Variants in POLI observed in about 807,000 individuals in gnomAD.
The protein encoded by POLI is RAD30 homolog B.
A neutral mutation model predicts 51.6 loss-of-function variants in POLI; 58 were observed. That is an observed-to-expected ratio of 1.12 (90% CI 0.91 to 1.40). POLI has a LOEUF of 1.40. POLI is among the 40% of genes most tolerant of loss of function. The pLI, the probability that POLI is intolerant of heterozygous loss-of-function variation, is 0.00. For missense variants in POLI, 921 were observed against 871.3 expected, an observed-to-expected ratio of 1.06 and a Z score of -0.72; for synonymous variants, 322 against 299.7, an observed-to-expected ratio of 1.07 and a Z score of -0.77.
In POLI at chr18:54,296,880, G is replaced by T. The variant is rs2088357264; in HGVS notation, c.*2413G>T. On this transcript the variant is annotated 3_prime_UTR_variant, in exon 10 of 10. Coordinates refer to ENST00000579534, the MANE Select transcript of POLI (RefSeq NM_007195.3). ...TAAAAGTCAAATATATGATATTTTT[G>T]ATAATTTCAATATTTTAAGTCTTTA... 1.1e-6 allele frequency: 1 copy of T among 875,194 alleles called. No homozygotes were observed. Among genetic ancestry groups the T allele is most frequent in the South Asian group, 5.3e-5 (1 of 18,848 alleles). 54.2% of individuals were successfully genotyped at this position (875,194 alleles called of 1,614,324 possible).
intron 1 of POLI, 39 bp downstream of exon 1, chr18:54,269,700 G>A (rs1276678058): frequency 2.0e-6 from 3 of 1,465,846 alleles, no homozygotes; most frequent in Non-Finnish European, 1.8e-6. Context: ...CTCCTTGGGT[G>A]TAAATGAGAA....
At chr18:54,278,997 C>T (rs1320695191) in intron 4 of POLI, among the ~76,000 whole-genome samples, 1 of 152,254 alleles carries the variant, frequency 6.6e-6, no homozygotes. Flanking sequence ...TGTACTTGTG[C>T]TCATTTGTAA....
chr18:54,286,755 C>T (rs1482709685), intron 7 of POLI, among the ~76,000 whole-genome samples: 4 of 151,944 alleles, frequency 2.6e-5, no homozygotes, highest in Non-Finnish European at 5.9e-5. Context: ...ACCAGCCTGG[C>T]CAACATGGCA....
rs760519303 is a variant in POLI at position 54,269,623 on chromosome 18, T to C, written c.77T>C (p.Met26Thr). The change falls in exon 1 of 10, where the codon ATG (methionine) becomes ACG (threonine). Residue 26 changes from methionine to threonine, a missense_variant. Met to Thr is a moderately conservative substitution (Grantham distance 81). Coordinates refer to ENST00000579534, the MANE Select transcript of POLI (RefSeq NM_007195.3). ...GAGGAAGACGCCGAGGCCTGGGCCA[T>C]GGAACTGGCGGACGTGGGGGCGGCA... ...DDEEDAEAWA[M>T]ELADVGAAAS... 9 of 1,510,220 alleles carry C rather than the reference T, an allele frequency of 6.0e-6. No individual in the cohort carries two copies. Among genetic ancestry groups the C allele is most frequent in the South Asian group, 3.7e-5 (3 of 81,424 alleles). 93.6% of individuals were successfully genotyped at this position (1,510,220 alleles called of 1,614,324 possible).
chr18:54,311,684 G>A (rs916956209), intron 3 of POLI, among the ~76,000 whole-genome samples: 6 of 152,246 alleles, frequency 3.9e-5, no homozygotes, highest in Admixed American at 2.6e-4. Context: ...AAAAACTTGG[G>A]AGGTACACAC....
Position 54,297,214 on chromosome 18 carries a change from C to A in POLI, c.*2747C>A, listed in dbSNP as rs2088374691. On this transcript the variant is annotated 3_prime_UTR_variant, in exon 10 of 10. Coordinates refer to ENST00000579534, the MANE Select transcript of POLI (RefSeq NM_007195.3). ...TTAGCTATCTGCCTCCAGGGATAAA[C>A]CCCATCTTTCAAGCTTGCTTCTTGC... 1.0e-6 allele frequency: 1 copy of A among 985,060 alleles called. No homozygotes were observed. The highest frequency in any genetic ancestry group is 1.7e-5 in the African/African-American group (1 of 57,236). The allele number at this position is 985,060 out of a possible 1,614,324, so 61.0% of individuals were successfully genotyped here.
intron 3 of POLI, among the ~76,000 whole-genome samples, chr18:54,317,536 G>A (rs649722): frequency 0.59 from 89,784 of 151,946 alleles, 28,063 homozygotes; most frequent in Middle Eastern, 0.72. Context: ...TAATCTTTAA[G>A]TGGTGGATAA....
downstream of POLI, among the ~76,000 whole-genome samples, chr18:54,302,322 T>A (rs2088506743): frequency 6.6e-6 from 1 of 152,210 alleles, no homozygotes; most frequent in Admixed American, 6.5e-5. Flanking sequence ...CTTCCTAGAT[T>A]CTCAACTAAA....
At chr18:54,272,767 C>T (rs1284617681) in intron 2 of POLI, among the ~76,000 whole-genome samples, 1 of 151,560 alleles carries the variant, frequency 6.6e-6, no homozygotes. Flanking sequence ...CCACCGTGCC[C>T]GACCAGTAGT....
At chr18:54,274,747 C>T (rs1480274160) in intron 3 of POLI, 1 of 151,942 alleles carries the variant, frequency 6.6e-6, no homozygotes, top group South Asian at 2.1e-4. Context: ...TTGCGAAAAC[C>T]GCAATTACTT....
chr18:54,298,156 A>T lies in POLI; in HGVS notation c.*3689A>T. ...AAAATCTGTATATAGAAAGGTACAT[A>T]AACATAAATGAACATGTTAATGAGT... On this transcript the variant is annotated 3_prime_UTR_variant, in exon 10 of 10. Coordinates refer to ENST00000579534, the MANE Select transcript of POLI (RefSeq NM_007195.3). 1.6e-6 allele frequency: 1 copy of T among 616,078 alleles called. No homozygotes were observed. Among genetic ancestry groups the T allele is most frequent in the Non-Finnish European group, 2.0e-6 (1 of 492,578 alleles). The allele number at this position is 616,078 out of a possible 1,614,324, so 38.2% of individuals were successfully genotyped here.
chr18:54,311,197 C>T (rs980720225), intron 3 of POLI: 1 of 665,740 alleles, frequency 1.5e-6, no homozygotes. Context: ...TGATAAGGAA[C>T]CAGGAATTGA....
chr18:54,296,080 G>C lies in POLI; in HGVS notation c.*1613G>C. ...TCACCATGCAAATATTTAGTACTCTGAATCAAGGAACATAGTATTTTTTAC... is the reference window on the plus strand; with the variant it reads ...TCACCATGCAAATATTTAGTACTCTCAATCAAGGAACATAGTATTTTTTAC... On this transcript the variant is annotated 3_prime_UTR_variant, in exon 10 of 10. Coordinates refer to ENST00000579534, the MANE Select transcript of POLI (RefSeq NM_007195.3). The C allele has an allele frequency of 1.0e-6, 1 of 984,826 alleles. No homozygotes were observed. The highest frequency in any genetic ancestry group is 1.2e-6 in the Non-Finnish European group (1 of 829,410). 61.0% of individuals were successfully genotyped at this position (984,826 alleles called of 1,614,324 possible). A position where few individuals can be genotyped will look rare whatever the true frequency, so the allele number is the denominator to read the frequency against.
intron 3 of POLI, among the ~76,000 whole-genome samples, chr18:54,308,851 C>A (rs1430880927): frequency 6.6e-6 from 1 of 152,012 alleles, no homozygotes; most frequent in Non-Finnish European, 1.5e-5. Flanking sequence ...TCACTGATAC[C>A]CTTTCTTCCA....
At position 54,298,182 on chromosome 18, in the gene POLI, A is replaced by G. The variant is rs2144623108; in HGVS notation, c.*3715A>G. ...AACATAAATGAACATGTTAATGAGT[A>G]ATTGTAACAACTATGTAACTGTCCA... On this transcript the variant is annotated 3_prime_UTR_variant, in exon 10 of 10. Transcript: ENST00000579534. 2.7e-6 allele frequency: 1 copy of G among 364,740 alleles called. No individual in the cohort carries two copies. Among genetic ancestry groups the G allele is most frequent in the South Asian group, 1.1e-4 (1 of 8,784 alleles). The allele number at this position is 364,740 out of a possible 1,614,324, so 22.6% of individuals were successfully genotyped here. A position where few individuals can be genotyped will look rare whatever the true frequency, so the allele number is the denominator to read the frequency against.
At chr18:54,301,055 A>G (rs2088480908), downstream of POLI, among the ~76,000 whole-genome samples, 1 of 152,158 alleles carries the variant, frequency 6.6e-6, no homozygotes, top group Non-Finnish European at 1.5e-5. Context: ...CAGGGTGGGC[A>G]GATCACAAGG....
chr18:54,285,277 C>G (rs942239409), intron 7 of POLI, among the ~76,000 whole-genome samples: 1 of 152,146 alleles, frequency 6.6e-6, no homozygotes, highest in Admixed American at 6.6e-5. Context: ...AATGCCTAAC[C>G]TTTGGAGACA....
In POLI at chr18:54,269,550, G is replaced by T; in HGVS notation, c.4G>T (p.Glu2Ter). The T allele has an allele frequency of 1.3e-6, 2 of 1,508,692 alleles. No individual in the cohort carries two copies. Among genetic ancestry groups the T allele is most frequent in the Non-Finnish European group, 1.8e-6 (2 of 1,133,132 alleles). 93.5% of individuals were successfully genotyped at this position (1,508,692 alleles called of 1,614,324 possible). Residue 2 changes from glutamate (E) to a stop codon, truncating the protein, a stop_gained, in exon 1 of 10, where the codon GAG becomes TAG. Transcript: ENST00000579534. LOFTEE classifies it high-confidence loss of function. ...CGCTGCGGTTGGCAGCGGCGGGATG[G>T]AGAAGCTGGGGGTGGAGCCGGAGGA... M[E>*]KLGVEPEEEG...
At chr18:54,277,610 A>G (rs1285722594) in intron 3 of POLI, 93 bp from the exon 4 acceptor site, 1 of 750,870 alleles carries the variant, frequency 1.3e-6, no homozygotes, top group Admixed American at 2.9e-5. Flanking sequence ...AACCTTTAAC[A>G]ATAAATTTGA....
Sources: gnomAD v4.1 joint callset for allele counts (sites outside exome capture counted in the v4.1 genomes callset) on GRCh38, gnomAD v4.1.1 for gene constraint, MANE v1.5 for transcripts, NCBI Gene and HGNC (gene_info 2026-07-23, HGNC 2026-07-21) for gene names.